KCNIP4: variants seen among roughly 807,000 people sequenced by gnomAD.
KCNIP4 encodes the protein Kv channel-interacting protein 4.
KCNIP4 carries 12 observed loss-of-function variants against 34.0 expected under a neutral mutation model. The ratio of observed to expected loss-of-function variants is 0.35; its 90% confidence interval spans 0.23 to 0.57. KCNIP4 has a LOEUF of 0.57. Ranked by LOEUF, KCNIP4 falls within the 20% of genes least tolerant of loss-of-function variation. The probability of loss-of-function intolerance (pLI) is 0.83; values close to 1 mark genes in which losing one functional copy is unlikely to be tolerated. For missense variants in KCNIP4, 238 were observed against 311.7 expected, an observed-to-expected ratio of 0.76 and a Z score of 1.78; for synonymous variants, 124 against 102.2, an observed-to-expected ratio of 1.21 and a Z score of -1.29.
chr4:21,463,645 AT>A (rs1183681647), intron 1 of KCNIP4, among the ~76,000 whole-genome samples: 6 of 152,046 alleles, frequency 3.9e-5, no homozygotes, highest in African/African-American at 1.4e-4. Context: ...GTCTACATTT[AT>A]AAGAGATACT....
intron 1 of KCNIP4, among the ~76,000 whole-genome samples, chr4:21,835,244 C>T (rs912832493): frequency 6.6e-6 from 1 of 151,908 alleles, no homozygotes; most frequent in Non-Finnish European, 1.5e-5. Context: ...AGTGAAAAGA[C>T]AAACCAGAGA....
At chr4:20,987,857 C>T (rs980533237) in intron 1 of KCNIP4, among the ~76,000 whole-genome samples, 1 of 151,314 alleles carries the variant, frequency 6.6e-6, no homozygotes, top group Non-Finnish European at 1.5e-5. Context: ...AAAAATTAGC[C>T]GGGCGTGGTG....
At chr4:21,015,879 A>C (rs1406174647) in intron 1 of KCNIP4, among the ~76,000 whole-genome samples, 1 of 141,714 alleles carries the variant, frequency 7.1e-6, no homozygotes, top group Non-Finnish European at 1.5e-5. Context: ...AAAATATATA[A>C]ATATATACAA....
chr4:21,832,142 T>C (rs760932623), intron 1 of KCNIP4, among the ~76,000 whole-genome samples: 6 of 152,128 alleles, frequency 3.9e-5, no homozygotes, highest in Non-Finnish European at 7.4e-5. Context: ...ACAAAAATCA[T>C]ATAATTCTTT....
chr4:20,908,286 G>A (rs1727988659), intron 1 of KCNIP4, among the ~76,000 whole-genome samples: 1 of 152,036 alleles, frequency 6.6e-6, no homozygotes, highest in African/African-American at 2.4e-5. Flanking sequence ...TTTCACTAGA[G>A]GCAGGGCTTC....
chr4:21,227,410 G>A (rs1471141808), intron 1 of KCNIP4, among the ~76,000 whole-genome samples: 2 of 152,192 alleles, frequency 1.3e-5, no homozygotes, highest in East Asian at 1.9e-4. Context: ...AGACTGGACT[G>A]TGGCCTGAGA....
At chr4:21,224,728 A>T (rs780287568) in intron 1 of KCNIP4, among the ~76,000 whole-genome samples, 1 of 151,614 alleles carries the variant, frequency 6.6e-6, no homozygotes, top group East Asian at 1.9e-4. Context: ...CTGGGATTAT[A>T]GATGCGCACC....
At chr4:21,192,561 C>G (rs17514618) in intron 1 of KCNIP4, among the ~76,000 whole-genome samples, 4,932 of 152,120 alleles carry the variant, frequency 0.032, 120 homozygotes, top group East Asian at 0.16. Context: ...TCTTATTCAG[C>G]CGTATAATGT....
At chr4:21,444,442 T>C (rs1347225875) in intron 1 of KCNIP4, among the ~76,000 whole-genome samples, 5 of 152,214 alleles carry the variant, frequency 3.3e-5, no homozygotes, top group Admixed American at 2.0e-4. Flanking sequence ...CAAGTGGGCT[T>C]CATCCCTGGG....
At chr4:21,184,895 C>T (rs1328424220) in intron 1 of KCNIP4, among the ~76,000 whole-genome samples, 1 of 152,032 alleles carries the variant, frequency 6.6e-6, no homozygotes, top group Non-Finnish European at 1.5e-5. Context: ...TAAACAACCC[C>T]CTCCTGAGAT....
At chr4:21,532,349 T>TG (rs5856640) in intron 1 of KCNIP4, among the ~76,000 whole-genome samples, 103,071 of 151,982 alleles carry the variant, frequency 0.68, 35,110 homozygotes, top group East Asian at 0.84. Flanking sequence ...AAAACAATTC[T>TG]TGCAATCATC....
intron 1 of KCNIP4, among the ~76,000 whole-genome samples, chr4:21,310,656 G>T (rs1330393392): frequency 6.6e-6 from 1 of 151,766 alleles, no homozygotes; most frequent in African/African-American, 2.4e-5. Context: ...TTTTGAGACG[G>T]AATCTCACTC....
At chr4:20,918,112 C>T (rs1729027152) in intron 1 of KCNIP4, among the ~76,000 whole-genome samples, 1 of 151,902 alleles carries the variant, frequency 6.6e-6, no homozygotes. Flanking sequence ...GATTCAAAAC[C>T]AATACATTGC....
chr4:21,204,993 G>A (rs1271298360), intron 1 of KCNIP4, among the ~76,000 whole-genome samples: 1 of 152,196 alleles, frequency 6.6e-6, no homozygotes, highest in African/African-American at 2.4e-5. Context: ...ATTTTTAAAA[G>A]TTCCACTGGG....
At chr4:21,203,738 C>T (rs556330761) in intron 1 of KCNIP4, among the ~76,000 whole-genome samples, 1 of 152,300 alleles carries the variant, frequency 6.6e-6, no homozygotes, top group Admixed American at 6.5e-5. Flanking sequence ...GCCCATGATG[C>T]AACTTCCTAT....
chr4:20,965,961 T>C (rs370998416), intron 1 of KCNIP4, among the ~76,000 whole-genome samples: 12 of 152,334 alleles, frequency 7.9e-5, no homozygotes, highest in African/African-American at 2.9e-4. Flanking sequence ...ATATAACCTC[T>C]GTTGTCATGA....
intron 1 of KCNIP4, among the ~76,000 whole-genome samples, chr4:21,061,379 T>C (rs1201469296): frequency 6.6e-6 from 1 of 152,122 alleles, no homozygotes; most frequent in African/African-American, 2.4e-5. Context: ...GCTTATAATA[T>C]GCATGCATAA....
intron 1 of KCNIP4, among the ~76,000 whole-genome samples, chr4:21,482,405 C>A (rs1230829017): frequency 3.3e-5 from 5 of 152,038 alleles, no homozygotes; most frequent in Non-Finnish European, 1.5e-5. Context: ...TCTTCCTAGC[C>A]TTGATGGTCT....
intron 1 of KCNIP4, among the ~76,000 whole-genome samples, chr4:21,030,319 C>T (rs1297852341): frequency 1.3e-5 from 2 of 152,150 alleles, no homozygotes; most frequent in Admixed American, 1.3e-4. Context: ...GTCACCATCT[C>T]CCATTACCCT....
Sources: gnomAD v4.1 joint callset for allele counts (sites outside exome capture counted in the v4.1 genomes callset) on GRCh38, gnomAD v4.1.1 for gene constraint, MANE v1.5 for transcripts, NCBI Gene and HGNC (gene_info 2026-07-23, HGNC 2026-07-21) for gene names.